The following UGT1A8 variants were observed in gnomAD, a reference collection of about 807,000 sequenced individuals.
The protein encoded by UGT1A8 is UDP-glucuronosyltransferase 1A8.
Under a neutral mutation model 45.3 loss-of-function variants are expected in UGT1A8, and 39 were observed. The observed-to-expected ratio is 0.86, with a 90% confidence interval of 0.67 to 1.12. The LOEUF is 1.12. UGT1A8 is among the 50% of genes most tolerant of loss of function. The pLI, the probability that UGT1A8 is intolerant of heterozygous loss-of-function variation, is 0.00. For missense variants in UGT1A8, 719 were observed against 664.9 expected, an observed-to-expected ratio of 1.08 and a Z score of -0.90; for synonymous variants, 275 against 249.2, an observed-to-expected ratio of 1.10 and a Z score of -0.97.
rs149243985 is a variant in UGT1A8, at chr2:233,751,326, T to A, written c.856-15708T>A. ...ATTTACCCAATTTCTGTACCCCCAT[T>A]GTGTCTTGGAAGTTACTTTTGATTT... On this transcript the variant is annotated intron_variant, in intron 1 of 4. Coordinates refer to ENST00000373450, the MANE Select transcript of UGT1A8 (RefSeq NM_019076.5). Among the ~76,000 whole-genome samples the A allele has an allele frequency of 2.6e-5, 4 of 152,018 alleles. No homozygotes were observed. The East Asian group carries it at 5.8e-4, about 22-fold the overall frequency.
chr2:233,755,447 T>C (rs1695920432), intron 1 of UGT1A8: 1 of 310,986 alleles, frequency 3.2e-6, no homozygotes, highest in Non-Finnish European at 6.3e-6. Flanking sequence ...GCAGTGCTCC[T>C]GGGACTGGCC....
intron 1 of UGT1A8, among the ~76,000 whole-genome samples, chr2:233,728,564 A>G (rs2077727018): frequency 6.6e-6 from 1 of 152,200 alleles, no homozygotes; most frequent in Non-Finnish European, 1.5e-5. Context: ...TACAAGAAAT[A>G]TCCTGGTGCG....
At chr2:233,660,664 G>A (rs1020289532) in intron 1 of UGT1A8, among the ~76,000 whole-genome samples, 1 of 152,122 alleles carries the variant, frequency 6.6e-6, no homozygotes, top group Non-Finnish European at 1.5e-5. Context: ...TGCATAAGAC[G>A]ACAGAGTTAG....
chr2:233,664,225 AT>A (rs2074031665), intron 1 of UGT1A8, among the ~76,000 whole-genome samples: 1 of 152,170 alleles, frequency 6.6e-6, no homozygotes, highest in Admixed American at 6.5e-5. Context: ...GGTCACAAGC[AT>A]TTAACCAGTC....
At chr2:233,648,806 T>C in intron 1 of UGT1A8, 1 of 968,666 alleles carries the variant, frequency 1.0e-6, no homozygotes, top group Non-Finnish European at 1.6e-6. Context: ...AACCACATCT[T>C]CTACTTAGAG....
chr2:233,713,172 C>T (rs1256255706), intron 1 of UGT1A8: 2 of 1,614,090 alleles, frequency 1.2e-6, no homozygotes, highest in Admixed American at 1.7e-5. Context: ...GGTGGTGGTC[C>T]TCACCCTGGA....
chr2:233,730,090 C>A, intron 1 of UGT1A8: 2 of 1,596,076 alleles, frequency 1.3e-6, no homozygotes, highest in South Asian at 1.1e-5. Flanking sequence ...ACTTATCTTT[C>A]CAAATATTTC....
chr2:233,743,312 T>A, intron 1 of UGT1A8: 2 of 657,664 alleles, frequency 3.0e-6, no homozygotes, highest in South Asian at 1.5e-5. Context: ...TTGGTGGTGA[T>A]TTTTTTACCA....
At chr2:233,771,806 T>C (rs1391342428) in intron 4 of UGT1A8, among the ~76,000 whole-genome samples, 2 of 140,682 alleles carry the variant, frequency 1.4e-5, no homozygotes, top group South Asian at 5.4e-4. Flanking sequence ...CTCCCTCCCT[T>C]CCTCCTTTCC....
intron 1 of UGT1A8, among the ~76,000 whole-genome samples, chr2:233,679,467 T>C (rs182455239): frequency 2.0e-5 from 3 of 152,340 alleles, no homozygotes; most frequent in African/African-American, 7.2e-5. Context: ...CACAAAACAG[T>C]AGAGTTAGCC....
chr2:233,699,567 C>G (rs946765606), intron 1 of UGT1A8, among the ~76,000 whole-genome samples: 1 of 152,218 alleles, frequency 6.6e-6, no homozygotes, highest in African/African-American at 2.4e-5. Context: ...GGCCAGAGCT[C>G]TGGCTCTAGG....
intron 1 of UGT1A8, among the ~76,000 whole-genome samples, chr2:233,686,021 G>T (rs1211086630): frequency 1.3e-5 from 2 of 152,100 alleles, no homozygotes; most frequent in African/African-American, 4.8e-5. Context: ...TTTTCATCAT[G>T]GTGCCAAGAG....
intron 1 of UGT1A8, among the ~76,000 whole-genome samples, chr2:233,664,424 G>A (rs555012669): frequency 5.3e-4 from 81 of 152,102 alleles, no homozygotes; most frequent in African/African-American, 1.8e-3. Flanking sequence ...CCTTCATTAC[G>A]TTGCCATAAA....
intron 1 of UGT1A8, chr2:233,747,398 C>T: frequency 1.9e-6 from 3 of 1,606,764 alleles, no homozygotes; most frequent in Non-Finnish European, 2.6e-6. Flanking sequence ...TGGTCCTCAC[C>T]CCAGAGGTGA....
At position 233,729,748 on chromosome 2, in the gene UGT1A8, A is replaced by C. The variant is rs140766748; in HGVS notation, c.856-37286A>C. 4.5e-4 allele frequency: 721 copies of C among 1,613,992 alleles called. 2 individuals carry two copies. The highest frequency in any genetic ancestry group is 1.8e-3 in the South Asian group (167 of 91,072). Reference sequence around the variant, plus strand: ...AACCAATTCAGACCACATGACATTCATGCAAAGGGTCAAGAACATGCTCTA... The same window carrying C: ...AACCAATTCAGACCACATGACATTCCTGCAAAGGGTCAAGAACATGCTCTA... On this transcript the variant is annotated intron_variant, in intron 1 of 4. Coordinates refer to ENST00000373450, the MANE Select transcript of UGT1A8 (RefSeq NM_019076.5).
intron 1 of UGT1A8, chr2:233,760,833 G>A (rs777115864): frequency 5.0e-6 from 8 of 1,613,598 alleles, no homozygotes; most frequent in Admixed American, 1.7e-5. Flanking sequence ...TGGAATTTGA[G>A]GCTACCCAGT....
At chr2:233,677,605 T>G (rs2074394886) in intron 1 of UGT1A8, among the ~76,000 whole-genome samples, 1 of 151,738 alleles carries the variant, frequency 6.6e-6, no homozygotes, top group South Asian at 2.1e-4. Flanking sequence ...ACCAGAAAAA[T>G]GAAGATGAAA....
At chr2:233,688,015 A>G (rs2074874910) in intron 1 of UGT1A8, among the ~76,000 whole-genome samples, 1 of 152,242 alleles carries the variant, frequency 6.6e-6, no homozygotes, top group Admixed American at 6.5e-5. Flanking sequence ...GATACAATCA[A>G]CCATCACCAA....
At chr2:233,770,790 G>GAT (rs1474818165) in intron 4 of UGT1A8, 3 of 152,110 alleles carry the variant, frequency 2.0e-5, no homozygotes, top group African/African-American at 7.2e-5. Context: ...TAACATTATA[G>GAT]ATATGTTTAA....
Sources: allele counts gnomAD v4.1 joint callset (sites outside exome capture counted in the v4.1 genomes callset), GRCh38; gene constraint gnomAD v4.1.1; transcripts MANE v1.5; gene names NCBI Gene and HGNC (gene_info 2026-07-23, HGNC 2026-07-21).